Variants in NFAM1 observed in about 807,000 individuals in gnomAD.
The protein encoded by NFAM1 is NFAT activating protein with ITAM motif 1.
In NFAM1, 17 loss-of-function variants were observed where a neutral mutation model predicts 29.0. That is an observed-to-expected ratio of 0.59 (90% CI 0.40 to 0.88). NFAM1 has a LOEUF of 0.88. Among genes scored for constraint, NFAM1 ranks in the 40% least tolerant of loss-of-function variants. The pLI is 0.00. For synonymous variants in NFAM1, 175 were observed against 147.2 expected, an observed-to-expected ratio of 1.19 and a Z score of -1.36; for missense variants, 324 against 344.6, an observed-to-expected ratio of 0.94 and a Z score of 0.47.
rs750099029 is a variant in NFAM1 at position 42,388,137 on chromosome 22, C to T, written c.664-1059G>A. ...CTTGGCCCAGCTAAGAAAGGCCTAG[C>T]CAGAGACCTCAGGATGGTAGAAAGA... On this transcript the variant is annotated intron_variant, in intron 4 of 5. Coordinates refer to ENST00000329021, the MANE Select transcript of NFAM1 (RefSeq NM_145912.8). This position sits in a 1 kb window ranked among gnomAD's most constrained non-coding sequence, Gnocchi z 4.1. Among the ~76,000 whole-genome samples the T allele has an allele frequency of 3.9e-5, 6 of 152,182 alleles. No homozygotes were observed. Among genetic ancestry groups the T allele is most frequent in the Non-Finnish European group, 2.9e-5 (2 of 68,036 alleles).
intron 3 of NFAM1, among the ~76,000 whole-genome samples, chr22:42,402,130 A>T (rs1253070312): frequency 6.6e-6 from 1 of 152,168 alleles, no homozygotes; most frequent in Non-Finnish European, 1.5e-5. Context: ...AGGGTGATGG[A>T]GCCCAGCCTG....
At chr22:42,407,462 G>A (rs1249495286) in intron 3 of NFAM1, among the ~76,000 whole-genome samples, 4 of 151,936 alleles carry the variant, frequency 2.6e-5, no homozygotes, top group African/African-American at 7.3e-5. Context: ...TCCACCTCCC[G>A]GGTTCAAGCA....
intron 1 of NFAM1, among the ~76,000 whole-genome samples, chr22:42,424,364 G>T (rs955433410): frequency 2.6e-5 from 4 of 151,958 alleles, no homozygotes; most frequent in Non-Finnish European, 5.9e-5. Context: ...GCGATGAACC[G>T]AGATTGTGCC....
chr22:42,384,891 G>T lies in NFAM1; in HGVS notation c.*270C>A. The T allele has an allele frequency of 1.8e-6, 1 of 550,834 alleles. No homozygotes were observed. The highest frequency in any genetic ancestry group is 3.3e-6 in the Non-Finnish European group (1 of 305,100). 34.1% of individuals were successfully genotyped at this position (550,834 alleles called of 1,614,324 possible). A position where few individuals can be genotyped will look rare whatever the true frequency, so the allele number is the denominator to read the frequency against. ...CCAGGAAAGCCCTTGAAGACTGAGG[G>T]GCGCTTTGCTGGTTGGGCCAAGGGA... On this transcript the variant is annotated 3_prime_UTR_variant, in exon 6 of 6. Coordinates refer to ENST00000329021, the MANE Select transcript of NFAM1 (RefSeq NM_145912.8).
intron 4 of NFAM1, among the ~76,000 whole-genome samples, chr22:42,392,831 G>C (rs976303516): frequency 8.6e-5 from 13 of 151,554 alleles, no homozygotes; most frequent in Non-Finnish European, 1.6e-4. Flanking sequence ...ACAGAGTCTC[G>C]CTCTGTCACC....
At chr22:42,433,727 C>T (rs145892916), upstream of NFAM1, among the ~76,000 whole-genome samples, 12 of 152,250 alleles carry the variant, frequency 7.9e-5, no homozygotes, top group African/African-American at 2.4e-4. Flanking sequence ...AGTTTCCTAC[C>T]GCGCAGGGGG....
Position 42,387,055 on chromosome 22 carries a change from C to G in NFAM1, c.687G>C (p.Glu229Asp). ...VYTALQRRET[E>D]VYACIENEDG... ...CCTCATTCTCGATGCAGGCATAGAC[C>G]TCGGTCTCGCGGCGCTGCAGAGCCT... The change falls in exon 5 of 6, where the codon GAG (glutamate) becomes GAC (aspartate). Residue 229 changes from glutamate to aspartate, a missense_variant. By Grantham distance (45) the Glu-to-Asp change is conservative (BLOSUM62 2). Transcript: ENST00000329021. 2.5e-6 allele frequency: 4 copies of G among 1,587,298 alleles called. No individual in the cohort carries two copies. Among genetic ancestry groups the G allele is most frequent in the Non-Finnish European group, 3.4e-6 (4 of 1,167,288 alleles).
Position 42,426,472 on chromosome 22 carries a change from T to C in NFAM1, c.121+5765A>G, listed in dbSNP as rs371885654. Among the ~76,000 whole-genome samples the C allele has an allele frequency of 2.0e-4, 30 of 152,272 alleles. No homozygotes were observed. In the East Asian group the frequency reaches 4.4e-3, roughly 23 times the overall value. The stretch of plus-strand genomic sequence containing the variant: ...CCCCCAGGTGCAGCCACTCATCAAA[T>C]AGACCCTCAGCAGCCAAGCACATCC... On this transcript the variant is annotated intron_variant, in intron 1 of 5. Coordinates refer to ENST00000329021, the MANE Select transcript of NFAM1 (RefSeq NM_145912.8).
In NFAM1 at chr22:42,409,460, C is replaced by T. The variant is rs758088681; in HGVS notation, c.539G>A (p.Gly180Asp). Residue 180 changes from glycine to aspartate, a missense_variant, in exon 3 of 6, where the codon GGC becomes GAC. Gly to Asp is a moderately conservative substitution (Grantham distance 94, BLOSUM62 -1). Coordinates refer to ENST00000329021, the MANE Select transcript of NFAM1 (RefSeq NM_145912.8). This position sits in a 1 kb window ranked among gnomAD's most constrained non-coding sequence, Gnocchi z 4.9. ...CTTGTTCCAGAGCAGCAGGGCCGTG[C>T]CCACTACACTCAGGACACTCAGGAG... ...TGLLSVLSVV[G>D]TALLLWNKKR... 5.2e-6 allele frequency: 8 copies of T among 1,540,088 alleles called. No homozygotes were observed. Among genetic ancestry groups the T allele is most frequent in the Non-Finnish European group, 5.3e-6 (6 of 1,139,890 alleles).
chr22:42,431,754 G>A (rs1930803769), intron 1 of NFAM1, among the ~76,000 whole-genome samples: 2 of 152,130 alleles, frequency 1.3e-5, no homozygotes, highest in South Asian at 2.1e-4. Context: ...TGGGCGCAGA[G>A]CCCTGTGGCT....
rs200074878 is a variant in NFAM1 at position 42,432,276 on chromosome 22, G to A, written c.82C>T (p.Leu28Phe). ...PGLPAAPWLL[L>F]GVLLLPGTLR... is the part of the protein sequence containing the mutation. ...GTCCCGGGCAGCAGCAGCACGCCAA[G>A]GAGGAGCCAGGGGGCTGCGGGGAGC... The change falls in exon 1 of 6, where the codon CTT becomes TTT. Residue 28 changes from leucine (L) to phenylalanine (F), a missense_variant. Coordinates refer to ENST00000329021, the MANE Select transcript of NFAM1 (RefSeq NM_145912.8). The A allele has an allele frequency of 4.5e-6, 7 of 1,572,578 alleles. No homozygotes were observed. The highest frequency in any genetic ancestry group is 6.0e-6 in the Non-Finnish European group (7 of 1,158,582).
chr22:42,402,318 C>T (rs1225995384), intron 3 of NFAM1, among the ~76,000 whole-genome samples: 2 of 152,298 alleles, frequency 1.3e-5, no homozygotes, highest in African/African-American at 2.4e-5. Context: ...CTGCTCTGGA[C>T]GCATGAGGTG....
At chr22:42,395,506 A>AAAAAT (rs1206510011) in intron 4 of NFAM1, among the ~76,000 whole-genome samples, 1 of 151,212 alleles carries the variant, frequency 6.6e-6, no homozygotes, top group African/African-American at 2.4e-5. Flanking sequence ...TATAAATAAT[A>AAAAAT]AAAATAAAAT....
chr22:42,424,450 C>T (rs1930557275), intron 1 of NFAM1, among the ~76,000 whole-genome samples: 1 of 151,996 alleles, frequency 6.6e-6, no homozygotes, highest in Non-Finnish European at 1.5e-5. Context: ...AAAAAACATA[C>T]AAACAACAAG....
chr22:42,394,164 T>C (rs926312995), intron 4 of NFAM1, among the ~76,000 whole-genome samples: 1 of 152,086 alleles, frequency 6.6e-6, no homozygotes, highest in Non-Finnish European at 1.5e-5. Flanking sequence ...GCCTCCCGAG[T>C]AGCTGGGATT....
intron 1 of NFAM1, among the ~76,000 whole-genome samples, chr22:42,415,111 G>C (rs1371289016): frequency 1.3e-5 from 2 of 152,030 alleles, no homozygotes. Flanking sequence ...TGTCCAAAAA[G>C]TAAAGAGAGG....
upstream of NFAM1, chr22:42,432,446 C>T (rs1237416709): frequency 1.4e-6 from 2 of 1,449,430 alleles, no homozygotes; most frequent in Non-Finnish European, 1.8e-6. Context: ...CCCCACGAAG[C>T]TCCTCCCTGG....
chr22:42,417,155 C>T (rs1430042333), intron 1 of NFAM1, among the ~76,000 whole-genome samples: 1 of 152,202 alleles, frequency 6.6e-6, no homozygotes, highest in Non-Finnish European at 1.5e-5. Context: ...AGAGGCACCT[C>T]GCCCCTCACC....
intron 3 of NFAM1, among the ~76,000 whole-genome samples, chr22:42,404,343 C>G (rs1929822709): frequency 6.6e-6 from 1 of 152,138 alleles, no homozygotes; most frequent in African/African-American, 2.4e-5. Context: ...TTATCCACCA[C>G]TGCAGGTGCT....
Sources: gnomAD v4.1 joint callset for allele counts (sites outside exome capture counted in the v4.1 genomes callset) on GRCh38, gnomAD v4.1.1 for gene constraint, Gnocchi (gnomAD v3.1) non-coding constraint, MANE v1.5 for transcripts, NCBI Gene and HGNC (gene_info 2026-07-23, HGNC 2026-07-21) for gene names.